ST7: variants seen among roughly 807,000 people sequenced by gnomAD.
ST7 encodes the protein suppressor of tumorigenicity 7 protein.
A neutral mutation model predicts 78.7 loss-of-function variants in ST7; 28 were observed. The observed-to-expected ratio is 0.36, with a 90% confidence interval of 0.26 to 0.49. The LOEUF (loss-of-function observed/expected upper bound fraction) is 0.49, where lower values mean the gene tolerates loss of function less well. ST7 is among the 20% of genes least tolerant of loss of function. ST7 has a pLI of 0.99. For missense variants in ST7, 418 were observed against 696.0 expected, an observed-to-expected ratio of 0.60 and a Z score of 4.49; for synonymous variants, 247 against 249.6, an observed-to-expected ratio of 0.99 and a Z score of 0.10.
At chr7:117,170,722 T>C (rs1807924892) in intron 9 of ST7, 140 bp from the exon 10 acceptor site, 1 of 297,858 alleles carries the variant, frequency 3.4e-6, no homozygotes, top group Non-Finnish European at 6.0e-6. Flanking sequence ...CTTAAAATGC[T>C]TAACTCTAGT....
intron 12 of ST7, among the ~76,000 whole-genome samples, chr7:117,209,070 A>T (rs1439169113): frequency 6.6e-6 from 1 of 152,006 alleles, no homozygotes; most frequent in Non-Finnish European, 1.5e-5. Flanking sequence ...AAAAATGGAA[A>T]CGTAGTCTTT....
At chr7:117,093,423 C>A (rs188931347) in intron 1 of ST7, among the ~76,000 whole-genome samples, 3 of 152,154 alleles carry the variant, frequency 2.0e-5, no homozygotes, top group Non-Finnish European at 2.9e-5. Context: ...CAAATCAGGC[C>A]GGGTGCAGTG....
At chr7:117,060,361 A>G (rs1798287615) in intron 1 of ST7, among the ~76,000 whole-genome samples, 1 of 152,238 alleles carries the variant, frequency 6.6e-6, no homozygotes, top group Admixed American at 6.5e-5. Flanking sequence ...AGCCGTAATT[A>G]TAGAAACATT....
chr7:117,193,413 C>T (rs1809985510), intron 12 of ST7, among the ~76,000 whole-genome samples: 1 of 152,204 alleles, frequency 6.6e-6, no homozygotes. Flanking sequence ...TAAGCCCTCT[C>T]ACTTATTTTT....
chr7:116,997,621 T>A (rs1399859847), intron 1 of ST7, among the ~76,000 whole-genome samples: 4 of 151,942 alleles, frequency 2.6e-5, no homozygotes, highest in Non-Finnish European at 4.4e-5. Context: ...ATTCTCCAAG[T>A]CTCCACTAGA....
At chr7:116,979,018 G>A (rs1793827911) in intron 1 of ST7, among the ~76,000 whole-genome samples, 1 of 152,212 alleles carries the variant, frequency 6.6e-6, no homozygotes, top group Non-Finnish European at 1.5e-5. Context: ...GTAAGCAGCA[G>A]AAGGGAGCCA....
At chr7:117,152,222 T>TATATATATATATAA (rs1563124840) in intron 9 of ST7, among the ~76,000 whole-genome samples, 2 of 117,960 alleles carry the variant, frequency 1.7e-5, no homozygotes, top group African/African-American at 6.3e-5. Flanking sequence ...TATATATATA[T>TATATATATATATAA]ACCATGAACA....
intron 4 of ST7, among the ~76,000 whole-genome samples, chr7:117,130,148 G>A (rs142376247): frequency 7.6e-4 from 116 of 151,936 alleles, no homozygotes; most frequent in African/African-American, 2.6e-3. Flanking sequence ...TAGAGATGTC[G>A]CAGAAGTTAT....
chr7:117,055,390 G>A (rs1360354044), intron 1 of ST7, among the ~76,000 whole-genome samples: 1 of 152,160 alleles, frequency 6.6e-6, no homozygotes, highest in Admixed American at 6.5e-5. Flanking sequence ...TTTTAGTAGA[G>A]ACAGGGTTTC....
chr7:117,016,134 T>G (rs994238435), intron 1 of ST7, among the ~76,000 whole-genome samples: 53 of 152,230 alleles, frequency 3.5e-4, no homozygotes, highest in African/African-American at 1.2e-3. Context: ...AAGATTTGTT[T>G]TATAAATCTT....
At chr7:117,209,392 A>G (rs1792098559) in intron 12 of ST7, among the ~76,000 whole-genome samples, 1 of 152,152 alleles carries the variant, frequency 6.6e-6, no homozygotes, top group Admixed American at 6.5e-5. Flanking sequence ...TCAATCTCAA[A>G]TCTTTCTAAT....
intron 1 of ST7, among the ~76,000 whole-genome samples, chr7:117,053,910 T>G (rs1797926220): frequency 6.6e-6 from 1 of 151,808 alleles, no homozygotes; most frequent in Non-Finnish European, 1.5e-5. Context: ...GGATCTCTGC[T>G]CATTGCAACC....
At chr7:117,126,047 C>T (rs894185958) in intron 3 of ST7, among the ~76,000 whole-genome samples, 5 of 151,850 alleles carry the variant, frequency 3.3e-5, no homozygotes, top group South Asian at 2.1e-4. Flanking sequence ...GTAGATAAAT[C>T]GAGCTTTAAG....
At chr7:117,228,597 T>C (rs1793592506) in intron 15 of ST7, among the ~76,000 whole-genome samples, 1 of 152,230 alleles carries the variant, frequency 6.6e-6, no homozygotes, top group South Asian at 2.1e-4. Context: ...ACAGGACAGA[T>C]TCTGGGTCAG....
chr7:117,059,382 G>T (rs1584540235), intron 1 of ST7, among the ~76,000 whole-genome samples: 1 of 152,028 alleles, frequency 6.6e-6, no homozygotes, highest in Non-Finnish European at 1.5e-5. Flanking sequence ...CTTTTGAATA[G>T]GTTATTATTT....
chr7:116,964,131 C>T (rs145887135), intron 1 of ST7, among the ~76,000 whole-genome samples: 1 of 152,206 alleles, frequency 6.6e-6, no homozygotes, highest in Non-Finnish European at 1.5e-5. Context: ...GTAGTTTTTA[C>T]ACATAAGCTG....
intron 1 of ST7, among the ~76,000 whole-genome samples, chr7:117,097,908 A>ATATTTTTT: frequency 6.7e-5 from 2 of 30,012 alleles, no homozygotes; most frequent in East Asian, 1.7e-3. Context: ...ATATATATAT[A>ATATTTTTT]TTTTTTTTTT....
intron 1 of ST7, among the ~76,000 whole-genome samples, chr7:117,071,242 A>AAACAAC (rs1798940398): frequency 1.3e-5 from 2 of 152,016 alleles, no homozygotes; most frequent in Admixed American, 1.3e-4. Flanking sequence ...ACAAAAACAA[A>AAACAAC]AACAAAACAA....
chr7:117,133,482 T>C (rs1251315215), intron 6 of ST7, among the ~76,000 whole-genome samples: 1 of 151,910 alleles, frequency 6.6e-6, no homozygotes, highest in Non-Finnish European at 1.5e-5. Flanking sequence ...AGGAACAAAA[T>C]AGGAGGGAGA....
Sources: gnomAD v4.1 joint callset for allele counts (sites outside exome capture counted in the v4.1 genomes callset) on GRCh38, gnomAD v4.1.1 for gene constraint, MANE v1.5 for transcripts, NCBI Gene and HGNC (gene_info 2026-07-23, HGNC 2026-07-21) for gene names.